The following TMEM163 variants were observed in gnomAD, a reference collection of about 807,000 sequenced individuals.
TMEM163 encodes transmembrane protein 163.
A neutral mutation model predicts 29.3 loss-of-function variants in TMEM163; 17 were observed. The ratio of observed to expected loss-of-function variants is 0.58; its 90% CI spans 0.40 to 0.87. The LOEUF is 0.87. TMEM163 is among the 40% of genes least tolerant of loss of function. TMEM163 has a pLI of 0.00. For synonymous variants in TMEM163, 157 were observed against 160.6 expected (o/e 0.98, Z 0.17); for missense variants, 303 against 381.5 (o/e 0.79, Z 1.71).
At chr2:134,594,116 A>G (rs1229265986) in intron 2 of TMEM163, among the ~76,000 whole-genome samples, 1 of 152,206 alleles carries the variant, frequency 6.6e-6, no homozygotes, top group Non-Finnish European at 1.5e-5. Context: ...GAACTTCCCC[A>G]CCTTACCCAG....
chr2:134,541,759 TG>T (rs1156751946), intron 4 of TMEM163, among the ~76,000 whole-genome samples: 5 of 142,154 alleles, frequency 3.5e-5, no homozygotes, highest in Non-Finnish European at 7.5e-5. Context: ...GATATACGTG[TG>T]TGTACACACG....
At chr2:134,676,040 C>G (rs1323886395) in intron 2 of TMEM163, among the ~76,000 whole-genome samples, 1 of 152,126 alleles carries the variant, frequency 6.6e-6, no homozygotes, top group Admixed American at 6.5e-5. Flanking sequence ...ATTCAATTGC[C>G]TGGAGTAAAA....
At chr2:134,524,373 G>C (rs1680249079) in intron 4 of TMEM163, among the ~76,000 whole-genome samples, 1 of 134,478 alleles carries the variant, frequency 7.4e-6, no homozygotes, top group Non-Finnish European at 1.6e-5. Flanking sequence ...GAGAGCTTGG[G>C]TTTTTAAAAT....
chr2:134,627,059 T>G (rs1383943601), intron 2 of TMEM163, among the ~76,000 whole-genome samples: 2 of 152,206 alleles, frequency 1.3e-5, no homozygotes, highest in African/African-American at 4.8e-5. Context: ...CATTGCCAAT[T>G]CAATAGGAAA....
chr2:134,562,781 C>T lies in TMEM163; in HGVS notation c.323-10690G>A, dbSNP rs1311741753. Among the ~76,000 whole-genome samples the T allele has an allele frequency of 2.0e-5, 3 of 152,086 alleles. No individual in the cohort carries two copies. In the East Asian group the frequency reaches 5.8e-4, roughly 29 times the overall value. ...CCCTTTTGTCCTCTCTCCTCACCAC[C>T]CTGCTCCATAAAACCCAAAGCAACA... On this transcript the variant is annotated intron_variant, in intron 2 of 7. Coordinates refer to ENST00000281924, the MANE Select transcript of TMEM163 (RefSeq NM_030923.5).
At chr2:134,587,937 GT>G (rs1681857593) in intron 2 of TMEM163, among the ~76,000 whole-genome samples, 1 of 152,228 alleles carries the variant, frequency 6.6e-6, no homozygotes, top group African/African-American at 2.4e-5. Context: ...AATCCAGGCA[GT>G]TACAACCTCT....
chr2:134,606,629 A>G (rs1558962193), intron 2 of TMEM163, among the ~76,000 whole-genome samples: 2 of 152,168 alleles, frequency 1.3e-5, no homozygotes, highest in Non-Finnish European at 2.9e-5. Flanking sequence ...CTCCTGTGTC[A>G]TCGCGCCCCA....
At chr2:134,458,650 A>T (rs964036948) in intron 6 of TMEM163, 1 of 157,680 alleles carries the variant, frequency 6.3e-6, no homozygotes, top group African/African-American at 2.4e-5. Flanking sequence ...GTGACGTCAC[A>T]TTATCATCAT....
At chr2:134,579,544 C>T (rs1318961049) in intron 2 of TMEM163, among the ~76,000 whole-genome samples, 1 of 152,202 alleles carries the variant, frequency 6.6e-6, no homozygotes, top group African/African-American at 2.4e-5. Flanking sequence ...AATGTTCTTG[C>T]TGTCATCACC....
intron 5 of TMEM163, among the ~76,000 whole-genome samples, chr2:134,480,260 C>A (rs1367799547): frequency 3.9e-5 from 6 of 152,122 alleles, no homozygotes; most frequent in Non-Finnish European, 5.9e-5. Context: ...GTATGACTGG[C>A]AGGCTCCTAC....
chr2:134,670,892 T>C (rs1346830253), intron 2 of TMEM163, among the ~76,000 whole-genome samples: 1 of 152,214 alleles, frequency 6.6e-6, no homozygotes, highest in Non-Finnish European at 1.5e-5. Context: ...ATAAACAAAA[T>C]GTCAGCTTGT....
chr2:134,685,750 A>G (rs1684337455), intron 2 of TMEM163, among the ~76,000 whole-genome samples: 1 of 152,176 alleles, frequency 6.6e-6, no homozygotes, highest in Non-Finnish European at 1.5e-5. Context: ...AAAATAAAAC[A>G]TACAATCATC....
intron 2 of TMEM163, among the ~76,000 whole-genome samples, chr2:134,707,896 A>C (rs16830920): frequency 0.065 from 6,770 of 103,476 alleles, 521 homozygotes; most frequent in African/African-American, 0.22. Context: ...GCAGACCAGA[A>C]CTTTTTTTTT....
At chr2:134,623,563 T>C (rs974469517) in intron 2 of TMEM163, among the ~76,000 whole-genome samples, 4 of 150,984 alleles carry the variant, frequency 2.6e-5, no homozygotes, top group Non-Finnish European at 4.4e-5. Flanking sequence ...AGGTCGGGAG[T>C]TCAAGACCAG....
intron 4 of TMEM163, among the ~76,000 whole-genome samples, chr2:134,503,364 G>A (rs1679743520): frequency 6.6e-6 from 1 of 152,242 alleles, no homozygotes; most frequent in Admixed American, 6.5e-5. Context: ...GCAGAATGGA[G>A]GCTCTGGCAT....
intron 4 of TMEM163, among the ~76,000 whole-genome samples, chr2:134,525,037 TCTTGA>T (rs1301344796): frequency 6.6e-6 from 1 of 151,934 alleles, no homozygotes; most frequent in Non-Finnish European, 1.5e-5. Flanking sequence ...ATCTGTTGTT[TCTTGA>T]CTTTTTAATA....
chr2:134,461,861 T>A (rs1370632183), intron 6 of TMEM163, among the ~76,000 whole-genome samples: 2 of 152,240 alleles, frequency 1.3e-5, no homozygotes, highest in Admixed American at 6.5e-5. Context: ...TGCCACAGCC[T>A]GGCTGGCAGC....
intron 2 of TMEM163, among the ~76,000 whole-genome samples, chr2:134,641,155 A>G (rs191417822): frequency 5.1e-4 from 78 of 152,364 alleles, no homozygotes; most frequent in Non-Finnish European, 8.7e-4. Flanking sequence ...AAACAATGGC[A>G]CACAAAATAA....
chr2:134,598,503 C>T (rs1682144197), intron 2 of TMEM163, among the ~76,000 whole-genome samples: 1 of 152,202 alleles, frequency 6.6e-6, no homozygotes, highest in East Asian at 1.9e-4. Flanking sequence ...CTGCTTTAAG[C>T]CAGCTAGTGG....
Sources: gnomAD v4.1 joint callset for allele counts (sites outside exome capture counted in the v4.1 genomes callset) on GRCh38, gnomAD v4.1.1 for gene constraint, MANE v1.5 for transcripts, NCBI Gene and HGNC (gene_info 2026-07-23, HGNC 2026-07-21) for gene names.